CDC42BPG: variants seen among roughly 807,000 people sequenced by gnomAD.
The protein encoded by CDC42BPG is CDC42 binding protein kinase gamma.
In CDC42BPG, 157 loss-of-function variants were observed where a neutral mutation model predicts 192.2. That is an observed-to-expected ratio of 0.82 (90% CI 0.72 to 0.93). The LOEUF is 0.93. Ranked by LOEUF, CDC42BPG falls within the 40% of genes least tolerant of loss-of-function variation. CDC42BPG has a pLI of 0.00. For missense variants in CDC42BPG, 1,992 were observed against 2,122.1 expected (o/e 0.94, Z 1.20); for synonymous variants, 981 against 918.5 (o/e 1.07, Z -1.23).
At chr11:64,836,565 G>A (rs772252897) in intron 11 of CDC42BPG, 35 bp from the exon 12 acceptor site, 1 of 1,583,526 alleles carries the variant, frequency 6.3e-7, no homozygotes, top group Non-Finnish European at 8.7e-7. Flanking sequence ...TCGAGTGCTG[G>A]CGGCCCCAGC....
At chr11:64,836,333 C>A in intron 12 of CDC42BPG, 37 bp from the exon 13 acceptor site, 1 of 1,607,968 alleles carries the variant, frequency 6.2e-7, no homozygotes, top group Non-Finnish European at 8.5e-7. Flanking sequence ...AAGGACAAGG[C>A]CCAGAGTCAG....
In CDC42BPG at chr11:64,838,088, TG is replaced by T; in HGVS notation, c.1199del (p.Ser400Ter). 2 of 1,550,682 alleles carry T rather than the reference TG, an allele frequency of 1.3e-6. No individual in the cohort carries two copies. Among genetic ancestry groups the T allele is most frequent in the Non-Finnish European group, 1.7e-6 (2 of 1,147,220 alleles). On this transcript the variant is annotated frameshift_variant, in exon 9 of 37. Transcript: ENST00000342711. LOFTEE classifies it high-confidence loss of function. ...TGTGTGAGGACTAGCCTCACCTGCC[TG>T]AGGTGTAGGTGAAGCCCACGAATGG... ...HLPFVGFTYT[S>X]GSHSPESSSE...
chr11:64,827,623 G>A lies in CDC42BPG; in HGVS notation c.4066-12C>T, dbSNP rs1942495471. 2 of 1,607,074 alleles carry A rather than the reference G, an allele frequency of 1.2e-6. No individual in the cohort carries two copies. The highest frequency in any genetic ancestry group is 2.2e-5 in the South Asian group (2 of 90,782). On this transcript the variant is annotated splice_polypyrimidine_tract_variant and intron_variant, in intron 31 of 36. Transcript: ENST00000342711. ...TTGAGGGGCCGCACCTGAGGCAGCAGGCACAGCGGTCAGGCCACGCCTCCA... is the reference window on the plus strand; with the variant it reads ...TTGAGGGGCCGCACCTGAGGCAGCAAGCACAGCGGTCAGGCCACGCCTCCA...
chr11:64,833,017 C>G, intron 24 of CDC42BPG, 58 bp from the exon 25 acceptor site: 1 of 1,486,474 alleles, frequency 6.7e-7, no homozygotes, highest in Non-Finnish European at 9.0e-7. Flanking sequence ...AGCCCCAAAC[C>G]AGGACGGGGG....
chr11:64,824,497 G>A lies in CDC42BPG; in HGVS notation c.4632C>T (p.Ser1544=), dbSNP rs756607886. The A allele has an allele frequency of 1.8e-5, 29 of 1,608,086 alleles. No homozygotes were observed. The highest frequency in any genetic ancestry group is 2.3e-5 in the Non-Finnish European group (27 of 1,174,502). ...ATCAAGGAGAGCTCTCCAATTCAGG[G>A]GATAGGGGGAGGCTTCGGGGCCGTT... ...VSERPRSLPL[S]PELESSP The change falls in exon 37 of 37, where the codon TCC becomes TCT. Residue 1544 remains serine, a synonymous_variant. Transcript: ENST00000342711.
intron 36 of CDC42BPG, among the ~76,000 whole-genome samples, chr11:64,825,224 C>T (rs1942373374): frequency 1.3e-5 from 2 of 152,094 alleles, no homozygotes; most frequent in South Asian, 4.2e-4. Context: ...GCCTCAAAGT[C>T]CCTTTGTTCA....
chr11:64,842,184 T>C (rs1943311651), intron 1 of CDC42BPG, among the ~76,000 whole-genome samples: 1 of 152,276 alleles, frequency 6.6e-6, no homozygotes, highest in African/African-American at 2.4e-5. Context: ...CAGGGGCTGA[T>C]GGGACTTGTA....
chr11:64,828,486 G>T (rs1565671504), intron 30 of CDC42BPG, among the ~76,000 whole-genome samples: 1 of 152,204 alleles, frequency 6.6e-6, no homozygotes, highest in African/African-American at 2.4e-5. Context: ...CAAAGAGAAG[G>T]AAAGGACCAA....
chr11:64,824,168 C>T lies in CDC42BPG; in HGVS notation c.*305G>A, dbSNP rs1229891136. The T allele has an allele frequency of 4.5e-6, 2 of 443,686 alleles. No homozygotes were observed. Among genetic ancestry groups the T allele is most frequent in the Non-Finnish European group, 8.4e-6 (2 of 239,138 alleles). The allele number at this position is 443,686 out of a possible 1,614,324, so 27.5% of individuals were successfully genotyped here. On this transcript the variant is annotated 3_prime_UTR_variant, in exon 37 of 37. Coordinates refer to ENST00000342711, the MANE Select transcript of CDC42BPG (RefSeq NM_017525.3). ...CCCAACTCTTACAAGCCTCTGGGGG[C>T]TTGGCACTGGAAATAAGAGCTTTGG...
At chr11:64,835,017 T>TCCCCCCCCC in intron 17 of CDC42BPG, 30 bp downstream of exon 17, 3 of 1,571,952 alleles carry the variant, frequency 1.9e-6, no homozygotes, top group Non-Finnish European at 2.6e-6. Context: ...TCGCCTGCGT[T>TCCCCCCCCC]CCCCACCCCG....
In CDC42BPG at chr11:64,840,224, C is replaced by G; in HGVS notation, c.477G>C (p.Leu159=). 6.2e-7 allele frequency: 1 copy of G among 1,612,996 alleles called. No individual in the cohort carries two copies. Among genetic ancestry groups the G allele is most frequent in the South Asian group, 1.1e-5 (1 of 91,088 alleles). The change falls in exon 5 of 37, where the codon CTG becomes CTC. Residue 159 remains leucine (L), a synonymous_variant. Coordinates refer to ENST00000342711, the MANE Select transcript of CDC42BPG (RefSeq NM_017525.3). ...DYYAGGDLLT[L]LSRFEDRLPP... ...GGAGACGGTCCTCGAAGCGGCTCAG[C>G]AGCGTCAGGAGGTCCCCACCAGCAT...
Position 64,841,899 on chromosome 11 carries a change from GGCTGGCTGA to G in CDC42BPG, c.161-4_165del. The stretch of plus-strand genomic sequence containing the variant: ...AGTTCTTTCACCTTTGATACGAAGG[GGCTGGCTGA>G]GGGGACACAGGGCGGGACTCAGAGT... On this transcript the variant is annotated splice_acceptor_variant and splice_polypyrimidine_tract_variant and coding_sequence_variant and intron_variant, in exon 2 of 37. Transcript: ENST00000342711. LOFTEE classifies it high-confidence loss of function. 1 of 1,602,246 alleles carries G rather than the reference GGCTGGCTGA, an allele frequency of 6.2e-7. No individual in the cohort carries two copies. The highest frequency in any genetic ancestry group is 8.5e-7 in the Non-Finnish European group (1 of 1,174,328).
In CDC42BPG at chr11:64,829,935, A is replaced by C. The variant is rs1472352183; in HGVS notation, c.3503T>G (p.Val1168Gly). The change falls in exon 30 of 37, where the codon GTA becomes GGA. Residue 1168 changes from valine (V) to glycine (G), a missense_variant. Physicochemically the swap from Val to Gly is moderately radical, Grantham distance 109. Coordinates refer to ENST00000342711, the MANE Select transcript of CDC42BPG (RefSeq NM_017525.3). ...FALAELENIE[V>G]AGAKIPESRG... The stretch of plus-strand genomic sequence containing the variant: ...AGACTCGGGGATCTTGGCACCTGCT[A>C]CCTCTATGTTCTCCAGCTCCGCCAG... 6.2e-7 allele frequency: 1 copy of C among 1,611,304 alleles called. No individual in the cohort carries two copies. The highest frequency in any genetic ancestry group is 1.1e-5 in the South Asian group (1 of 90,970).
chr11:64,831,468 C>A, intron 28 of CDC42BPG, 37 bp downstream of exon 28: 3 of 1,563,068 alleles, frequency 1.9e-6, no homozygotes, highest in Non-Finnish European at 2.6e-6. Context: ...CTCCCGCAGG[C>A]CTGAACTGCT....
At chr11:64,826,588 C>G in intron 35 of CDC42BPG, 33 bp from the exon 36 acceptor site, 1 of 1,596,366 alleles carries the variant, frequency 6.3e-7, no homozygotes, top group African/African-American at 1.3e-5. Context: ...GACAAAAATA[C>G]CAAGATCAGA....
chr11:64,835,443 G>A (rs71539677), intron 15 of CDC42BPG, 24 bp from the exon 16 acceptor site: 56 of 1,612,624 alleles, frequency 3.5e-5, no homozygotes, highest in African/African-American at 2.9e-4. Flanking sequence ...GGCCAAGGCC[G>A]TGACTCACCG....
At chr11:64,843,338 T>C (rs953364727) in intron 1 of CDC42BPG, among the ~76,000 whole-genome samples, 1 of 151,460 alleles carries the variant, frequency 6.6e-6, no homozygotes, top group African/African-American at 2.4e-5. Context: ...TGTGTGGGTG[T>C]CATGGGGGGG....
rs950933484 is a variant in CDC42BPG, at chr11:64,826,791, G to T, written c.4393C>A (p.Pro1465Thr). 2.0e-6 allele frequency: 3 copies of T among 1,499,414 alleles called. No individual in the cohort carries two copies. The highest frequency in any genetic ancestry group is 2.7e-6 in the Non-Finnish European group (3 of 1,126,530). 92.9% of individuals were successfully genotyped at this position (1,499,414 alleles called of 1,614,324 possible). A position where few individuals can be genotyped will look rare whatever the true frequency, so the allele number is the denominator to read the frequency against. The change falls in exon 35 of 37, where the codon CCC becomes ACC. Residue 1465 changes from proline to threonine, a missense_variant. By Grantham distance (38) the Pro-to-Thr change is conservative (BLOSUM62 -1). Transcript: ENST00000342711. ...CGGGCAACTCGGCCCTTCTCTTCGGGAGCCTGTTGGGTGACAGTGCGGAGG... is the reference window on the plus strand; with the variant it reads ...CGGGCAACTCGGCCCTTCTCTTCGGTAGCCTGTTGGGTGACAGTGCGGAGG... ...RPGARDKSPA[P>T]EEKGRVARGS...
intron 30 of CDC42BPG, among the ~76,000 whole-genome samples, chr11:64,828,133 C>T (rs1942520320): frequency 6.6e-6 from 1 of 152,154 alleles, no homozygotes; most frequent in Admixed American, 6.5e-5. Flanking sequence ...TGCGATTTGG[C>T]CCTGGGCAGC....
Sources: allele counts gnomAD v4.1 joint callset (sites outside exome capture counted in the v4.1 genomes callset), GRCh38; gene constraint gnomAD v4.1.1; transcripts MANE v1.5; gene names NCBI Gene and HGNC (gene_info 2026-07-23, HGNC 2026-07-21).